Variants in RNF130 observed in about 807,000 individuals in gnomAD.
The protein encoded by RNF130 is ring finger protein 130, also known as E3 ubiquitin-protein ligase RNF130.
RNF130 carries 21 observed loss-of-function variants against 44.6 expected under a neutral mutation model. The ratio of observed to expected loss-of-function variants is 0.47; its 90% CI spans 0.33 to 0.68. The LOEUF (loss-of-function observed/expected upper bound fraction) is 0.68, where lower values mean the gene tolerates loss of function less well. RNF130 is among the 30% of genes least tolerant of loss of function. RNF130 has a pLI of 0.02. For missense variants in RNF130, 479 were observed against 560.6 expected (o/e 0.85, Z 1.47); for synonymous variants, 214 against 210.4 (o/e 1.02, Z -0.15).
chr5:179,946,518 C>T (rs190551313), intron 7 of RNF130, among the ~76,000 whole-genome samples: 1 of 151,656 alleles, frequency 6.6e-6, no homozygotes, highest in East Asian at 1.9e-4. Context: ...TCTTCTTAGT[C>T]TTAACAGACC....
chr5:179,925,852 T>C (rs535275702), intron 7 of RNF130, among the ~76,000 whole-genome samples: 6 of 152,238 alleles, frequency 3.9e-5, no homozygotes, highest in Admixed American at 2.6e-4. Flanking sequence ...CTGAGCCAAG[T>C]TGGAAGACGT....
intron 2 of RNF130, among the ~76,000 whole-genome samples, chr5:180,026,456 A>G (rs1370131441): frequency 6.6e-6 from 1 of 152,218 alleles, no homozygotes; most frequent in Non-Finnish European, 1.5e-5. Context: ...ACTACCACAG[A>G]TCCGCTAACT....
chr5:179,937,933 T>TGA (rs3078901), intron 7 of RNF130, among the ~76,000 whole-genome samples: 5,697 of 116,100 alleles, frequency 0.049, 181 homozygotes, highest in Non-Finnish European at 0.072. Context: ...TGTGTGTGTG[T>TGA]GAGAGAGAGA....
rs1411351360 is a variant in RNF130, at chr5:180,071,747, C to T, written c.-45G>A. On this transcript the variant is annotated 5_prime_UTR_variant, in exon 1 of 9. Coordinates refer to ENST00000521389, the MANE Select transcript of RNF130 (RefSeq NM_018434.6). Reference sequence around the variant, plus strand: ...GCTGCTCGCGGACCGGGCTCCGGGGCCGGCGCCTAGAGGCGGGGCGGGCGC... The same window carrying T: ...GCTGCTCGCGGACCGGGCTCCGGGGTCGGCGCCTAGAGGCGGGGCGGGCGC... 5.3e-6 allele frequency: 6 copies of T among 1,141,280 alleles called. No individual in the cohort carries two copies. In the East Asian group the frequency reaches 1.2e-4, roughly 24 times the overall value. 70.7% of individuals were successfully genotyped at this position (1,141,280 alleles called of 1,614,324 possible).
intron 3 of RNF130, among the ~76,000 whole-genome samples, chr5:179,987,806 C>T (rs1052224356): frequency 2.0e-5 from 3 of 152,226 alleles, no homozygotes; most frequent in South Asian, 2.1e-4. Flanking sequence ...CTTCTATCCC[C>T]GGGACAAATC....
chr5:179,978,524 T>C (rs1349433936), intron 4 of RNF130, among the ~76,000 whole-genome samples: 1 of 152,242 alleles, frequency 6.6e-6, no homozygotes, highest in Admixed American at 6.5e-5. Context: ...TGATATGTCT[T>C]ACAAAAATTA....
chr5:180,013,657 G>T (rs144946825), intron 2 of RNF130, among the ~76,000 whole-genome samples: 2 of 152,220 alleles, frequency 1.3e-5, no homozygotes, highest in African/African-American at 2.4e-5. Flanking sequence ...CAAGAGAAGT[G>T]TATCAACATC....
chr5:180,016,550 G>A (rs747979659), intron 2 of RNF130, among the ~76,000 whole-genome samples: 2 of 152,188 alleles, frequency 1.3e-5, no homozygotes, highest in Admixed American at 1.3e-4. Flanking sequence ...ACGTCTGGCC[G>A]CCAGTACTAA....
At chr5:180,031,171 TG>T (rs894798921) in intron 2 of RNF130, among the ~76,000 whole-genome samples, 14 of 152,176 alleles carry the variant, frequency 9.2e-5, no homozygotes, top group African/African-American at 3.4e-4. Context: ...GTGAGGCTTT[TG>T]GTCAACAGCA....
At chr5:180,027,573 G>C (rs1371732193) in intron 2 of RNF130, among the ~76,000 whole-genome samples, 1 of 152,144 alleles carries the variant, frequency 6.6e-6, no homozygotes, top group Non-Finnish European at 1.5e-5. Context: ...CAGGCTTTCA[G>C]CTAGTGCAGC....
chr5:179,992,359 G>C (rs1041164384), intron 3 of RNF130, among the ~76,000 whole-genome samples: 1 of 151,974 alleles, frequency 6.6e-6, no homozygotes, highest in Non-Finnish European at 1.5e-5. Flanking sequence ...GCCAGGATGA[G>C]TCTCGATCTC....
At chr5:179,924,246 A>G (rs922845074) in intron 7 of RNF130, among the ~76,000 whole-genome samples, 2 of 152,164 alleles carry the variant, frequency 1.3e-5, no homozygotes. Flanking sequence ...CTGTAATCCC[A>G]GCACTTTGGG....
At chr5:180,043,018 C>G (rs987633149) in intron 1 of RNF130, among the ~76,000 whole-genome samples, 2 of 152,148 alleles carry the variant, frequency 1.3e-5, no homozygotes, top group Admixed American at 1.3e-4. Context: ...CGTGAAAAAG[C>G]CAAGAGTAAT....
intron 7 of RNF130, among the ~76,000 whole-genome samples, chr5:179,931,607 A>G (rs373706100): frequency 3.2e-4 from 48 of 151,174 alleles, no homozygotes; most frequent in African/African-American, 1.1e-3. Flanking sequence ...TGTCTCTACT[A>G]AAATAGAAAA....
intron 6 of RNF130, 32 bp from the exon 7 acceptor site, chr5:179,967,042 T>C (rs1190828935): frequency 6.4e-7 from 1 of 1,557,760 alleles, no homozygotes; most frequent in South Asian, 1.1e-5. Flanking sequence ...AAAATAATTG[T>C]AAGGAAAACA....
intron 7 of RNF130, among the ~76,000 whole-genome samples, chr5:179,928,770 A>G (rs1394366909): frequency 6.6e-6 from 1 of 151,700 alleles, no homozygotes; most frequent in East Asian, 1.9e-4. Context: ...CTGGGACTAC[A>G]GGCGCCCACC....
At chr5:180,006,323 G>A (rs1326000974) in intron 3 of RNF130, among the ~76,000 whole-genome samples, 2 of 151,974 alleles carry the variant, frequency 1.3e-5, no homozygotes, top group Non-Finnish European at 2.9e-5. Flanking sequence ...GAACCCACCA[G>A]TTTTCAAAGA....
chr5:180,005,153 C>T (rs1253031297), intron 3 of RNF130, among the ~76,000 whole-genome samples: 10 of 152,174 alleles, frequency 6.6e-5, no homozygotes, highest in African/African-American at 2.2e-4. Flanking sequence ...GATGGCCCGG[C>T]GTGGTGGCTC....
chr5:179,973,488 A>C (rs1762634540), intron 5 of RNF130, among the ~76,000 whole-genome samples: 1 of 152,236 alleles, frequency 6.6e-6, no homozygotes, highest in Admixed American at 6.5e-5. Flanking sequence ...GTCTCAGCTA[A>C]GGACTGGGCC....
Sources: allele counts gnomAD v4.1 joint callset (sites outside exome capture counted in the v4.1 genomes callset), GRCh38; gene constraint gnomAD v4.1.1; transcripts MANE v1.5; gene names NCBI Gene and HGNC (gene_info 2026-07-23, HGNC 2026-07-21).